ADCY5: variants seen among roughly 807,000 people sequenced by gnomAD.
ADCY5 encodes adenylate cyclase 5.
A neutral mutation model predicts 119.7 loss-of-function variants in ADCY5; 30 were observed. The ratio of observed to expected loss-of-function variants is 0.25; its 90% confidence interval spans 0.19 to 0.34. The LOEUF (loss-of-function observed/expected upper bound fraction) is 0.34, where lower values mean the gene tolerates loss of function less well. ADCY5 is among the 10% of genes least tolerant of loss of function. The pLI is 1.00. For missense variants in ADCY5, 1,324 were observed against 1,775.2 expected (o/e 0.75, Z 4.57); for synonymous variants, 753 against 762.2 (o/e 0.99, Z 0.20).
At chr3:123,413,258 G>A (rs1458301142) in intron 1 of ADCY5, among the ~76,000 whole-genome samples, 2 of 152,200 alleles carry the variant, frequency 1.3e-5, no homozygotes, top group African/African-American at 2.4e-5. Flanking sequence ...CTAAAACACG[G>A]AACACGGAAC....
chr3:123,375,515 T>G (rs940827149), intron 1 of ADCY5, among the ~76,000 whole-genome samples: 1 of 152,216 alleles, frequency 6.6e-6, no homozygotes, highest in Non-Finnish European at 1.5e-5. Flanking sequence ...AGGCCCCCCA[T>G]TCCCAGTTCT....
intron 15 of ADCY5, among the ~76,000 whole-genome samples, 196 bp from the exon 16 acceptor site, chr3:123,297,578 G>T (rs1345807653): frequency 6.6e-6 from 1 of 152,188 alleles, no homozygotes; most frequent in Non-Finnish European, 1.5e-5. Context: ...AACTAGCATT[G>T]GATACTCATG....
rs774994558 is a variant in ADCY5, at chr3:123,447,693, C to A, written c.853G>T (p.Ala285Ser). 5.6e-6 allele frequency: 9 copies of A among 1,604,500 alleles called. No individual in the cohort carries two copies. The South Asian group carries it at 8.9e-5, about 16-fold the overall frequency. ...AAGGCGGCGCGGTTGCAAAGCACAGCCATGATGAGGATCACGCCGACGGCG... is the reference window on the plus strand; with the variant it reads ...AAGGCGGCGCGGTTGCAAAGCACAGACATGATGAGGATCACGCCGACGGCG... ...AAAVGVILIM[A>S]VLCNRAAFHQ... is the part of the protein sequence containing the mutation. The change falls in exon 1 of 21, where the codon GCT becomes TCT. Residue 285 changes from alanine to serine, a missense_variant. By Grantham distance (99) the Ala-to-Ser change is moderately conservative (BLOSUM62 1). Transcript: ENST00000462833.
chr3:123,284,497 C>A lies in ADCY5; in HGVS notation c.*111G>T. ...CTGGAGTCCAAGTGGAAAATCTCAG[C>A]AGCGCAGCCCTGCGGGCTGGAGCAT... On this transcript the variant is annotated 3_prime_UTR_variant, in exon 21 of 21. Coordinates refer to ENST00000462833, the MANE Select transcript of ADCY5 (RefSeq NM_183357.3). The A allele has an allele frequency of 6.7e-7, 1 of 1,491,636 alleles. No homozygotes were observed. Among genetic ancestry groups the A allele is most frequent in the Non-Finnish European group, 9.0e-7 (1 of 1,106,030 alleles). 92.4% of individuals were successfully genotyped at this position (1,491,636 alleles called of 1,614,324 possible).
At chr3:123,298,371 C>T (rs139417939) in intron 15 of ADCY5, among the ~76,000 whole-genome samples, 3 of 152,284 alleles carry the variant, frequency 2.0e-5, no homozygotes, top group East Asian at 3.9e-4. Flanking sequence ...CCAACTTCAG[C>T]GCCTGAAGAG....
Position 123,352,029 on chromosome 3 carries a change from G to A in ADCY5, c.1284+403C>T, listed in dbSNP as rs1000260618. ...TTCTTCTCCCTCATCCCTCCCCTGC[G>A]GAGCACCTTAATCCCAGTTAGGAAT... On this transcript the variant is annotated intron_variant, in intron 2 of 20. Coordinates refer to ENST00000462833, the MANE Select transcript of ADCY5 (RefSeq NM_183357.3). The surrounding 1 kb of genome is among the most constrained non-coding windows in gnomAD (Gnocchi z 4.8). 5.9e-5 allele frequency among the ~76,000 whole-genome samples: 9 copies of A among 152,188 alleles called. No homozygotes were observed. The highest frequency in any genetic ancestry group is 2.0e-4 in the Admixed American group (3 of 15,276).
chr3:123,300,656 G>A (rs1336357059), intron 14 of ADCY5, among the ~76,000 whole-genome samples: 3 of 152,134 alleles, frequency 2.0e-5, no homozygotes, highest in South Asian at 4.1e-4. Flanking sequence ...CTCATGGCTC[G>A]CTGTGATGAA....
chr3:123,325,876 C>T (rs531697003), intron 7 of ADCY5, among the ~76,000 whole-genome samples: 209 of 152,376 alleles, frequency 1.4e-3, no homozygotes, highest in African/African-American at 4.7e-3. Flanking sequence ...TGCTTCCTCC[C>T]CCTACTCTGT....
intron 2 of ADCY5, among the ~76,000 whole-genome samples, chr3:123,349,517 G>A (rs531126577): frequency 3.3e-5 from 5 of 152,212 alleles, no homozygotes; most frequent in Admixed American, 1.3e-4. Context: ...GCACAGCCCC[G>A]ATCTCTCTGA....
chr3:123,374,218 C>CA (rs1385151175), intron 1 of ADCY5, among the ~76,000 whole-genome samples: 2 of 151,980 alleles, frequency 1.3e-5, no homozygotes, highest in Non-Finnish European at 2.9e-5. Context: ...CAACAGTCCT[C>CA]AAAAAATCAC....
At position 123,347,921 on chromosome 3, in the gene ADCY5, T is replaced by A. The variant is rs769854516; in HGVS notation, c.1285-18A>T. ...AGCCGTTCCTGCAGAGGGAAGCACA[T>A]GCTTTCATCACCACGCCTTCTACCT... On this transcript the variant is annotated intron_variant, in intron 2 of 20. Coordinates refer to ENST00000462833, the MANE Select transcript of ADCY5 (RefSeq NM_183357.3). The A allele has an allele frequency of 2.5e-6, 4 of 1,613,960 alleles. No individual in the cohort carries two copies. The highest frequency in any genetic ancestry group is 3.4e-6 in the Non-Finnish European group (4 of 1,179,920).
intron 1 of ADCY5, among the ~76,000 whole-genome samples, chr3:123,418,039 C>G (rs1331063597): frequency 6.6e-6 from 1 of 152,146 alleles, no homozygotes; most frequent in Non-Finnish European, 1.5e-5. Context: ...CCTGGTGAAC[C>G]CAGCCACTGT....
intron 1 of ADCY5, 44 bp downstream of exon 1, chr3:123,447,368 T>A: frequency 6.8e-7 from 1 of 1,466,788 alleles, no homozygotes; most frequent in South Asian, 1.4e-5. Context: ...AGCTGAGGCC[T>A]GCCCGCCCCG....
chr3:123,400,020 T>G (rs1045249267), intron 1 of ADCY5, among the ~76,000 whole-genome samples: 19 of 152,324 alleles, frequency 1.2e-4, no homozygotes, highest in Admixed American at 1.3e-4. Context: ...GTAAGCACAA[T>G]GAACATGGGT....
In ADCY5 at chr3:123,290,471, C is replaced by T. The variant is rs532338098; in HGVS notation, c.3328-517G>A. ...CCCTGTGCCCCATGCCCAGGCCCGG[C>T]GTGCCCGCTGGGGTGGCCCCTCTCA... On this transcript the variant is annotated intron_variant, in intron 18 of 20. Transcript: ENST00000462833. Among the ~76,000 whole-genome samples the T allele has an allele frequency of 6.0e-4, 91 of 152,344 alleles. 1 individual carries two copies. The South Asian group carries it at 6.6e-3, about 11-fold the overall frequency.
chr3:123,292,507 G>A (rs113009562), intron 17 of ADCY5, among the ~76,000 whole-genome samples: 3,821 of 152,242 alleles, frequency 0.025, 151 homozygotes, highest in African/African-American at 0.084. Flanking sequence ...GGATCATCCC[G>A]AGGGCTTCTG....
chr3:123,300,655 C>T (rs961269500), intron 14 of ADCY5, among the ~76,000 whole-genome samples: 5 of 152,190 alleles, frequency 3.3e-5, no homozygotes, highest in Non-Finnish European at 7.4e-5. Flanking sequence ...TCTCATGGCT[C>T]GCTGTGATGA....
chr3:123,380,646 AG>A (rs1389494834), intron 1 of ADCY5, among the ~76,000 whole-genome samples: 4 of 152,160 alleles, frequency 2.6e-5, no homozygotes, highest in African/African-American at 9.7e-5. Context: ...GGTCCCCTCA[AG>A]GTGCTTTACC....
intron 1 of ADCY5, among the ~76,000 whole-genome samples, chr3:123,415,920 GAAA>G (rs1945173528): frequency 6.6e-6 from 1 of 151,620 alleles, no homozygotes; most frequent in Admixed American, 6.6e-5. Context: ...TCAGCAAGAA[GAAA>G]AAAAGAAAAA....
Sources: allele counts gnomAD v4.1 joint callset (sites outside exome capture counted in the v4.1 genomes callset), GRCh38; gene constraint gnomAD v4.1.1; non-coding constraint Gnocchi (gnomAD v3.1); transcripts MANE v1.5; gene names NCBI Gene and HGNC (gene_info 2026-07-23, HGNC 2026-07-21).